The following PPP2R3C variants were observed in gnomAD, a reference collection of about 807,000 sequenced individuals.
The protein encoded by PPP2R3C is serine/threonine-protein phosphatase 2A regulatory subunit B'' subunit gamma.
PPP2R3C carries 47 observed loss-of-function variants against 63.7 expected under a neutral mutation model. The observed-to-expected ratio is 0.74, with a 90% CI of 0.58 to 0.94. The LOEUF (loss-of-function observed/expected upper bound fraction) is 0.94. Among genes scored for constraint, PPP2R3C ranks in the 40% least tolerant of loss-of-function variants. The pLI is 0.00. For synonymous variants in PPP2R3C, 180 were observed against 177.4 expected (o/e 1.01, Z -0.12); for missense variants, 421 against 518.4 (o/e 0.81, Z 1.82).
intron 1 of PPP2R3C, 41 bp downstream of exon 1, chr14:35,121,861 G>A (rs201469705): frequency 6.2e-7 from 1 of 1,609,766 alleles, no homozygotes; most frequent in East Asian, 2.2e-5. Flanking sequence ...TAGGAGTTTA[G>A]GGCCGGGCCA....
intron 10 of PPP2R3C, among the ~76,000 whole-genome samples, chr14:35,092,469 T>C (rs1329051015): frequency 6.6e-6 from 1 of 151,894 alleles, no homozygotes; most frequent in African/African-American, 2.4e-5. Context: ...AACAGAACAG[T>C]ATAATTTTTT....
chr14:35,090,342 A>G (rs144445725), intron 11 of PPP2R3C, among the ~76,000 whole-genome samples: 15,711 of 149,282 alleles, frequency 0.11, 1,045 homozygotes, highest in African/African-American at 0.19. Flanking sequence ...CCTGGGTTCA[A>G]GTGATTCTCC....
In PPP2R3C at chr14:35,091,063, G is replaced by A; in HGVS notation, c.1113+7C>T. On this transcript the variant is annotated splice_region_variant and intron_variant, in intron 11 of 12. Transcript: ENST00000261475. ...AACAATGACTCACTTATGCAAATGA[G>A]ACTTACCCTAAAGAAATAATTAAGT... 6.3e-7 allele frequency: 1 copy of A among 1,598,736 alleles called. No homozygotes were observed. The highest frequency in any genetic ancestry group is 1.1e-5 in the South Asian group (1 of 89,766).
chr14:35,096,797 A>C, intron 7 of PPP2R3C, 33 bp from the exon 8 acceptor site: 2 of 1,526,358 alleles, frequency 1.3e-6, no homozygotes, highest in Non-Finnish European at 1.8e-6. Flanking sequence ...AATTAATTTC[A>C]TTTTAAGAAA....
chr14:35,118,053 A>C (rs1392615858), intron 1 of PPP2R3C, among the ~76,000 whole-genome samples: 1 of 152,164 alleles, frequency 6.6e-6, no homozygotes, highest in Non-Finnish European at 1.5e-5. Flanking sequence ...ACTATGGCTC[A>C]GTGCTGTTGT....
At chr14:35,088,884 A>G (rs1419809387) in intron 11 of PPP2R3C, among the ~76,000 whole-genome samples, 2 of 152,226 alleles carry the variant, frequency 1.3e-5, no homozygotes, top group Admixed American at 6.5e-5. Context: ...TATATGAAAT[A>G]TTTTTAAAGT....
At chr14:35,099,500 T>C (rs1595094825) in intron 6 of PPP2R3C, 116 bp from the exon 7 acceptor site, 1 of 1,245,884 alleles carries the variant, frequency 8.0e-7, no homozygotes, top group Admixed American at 3.6e-5. Context: ...AATAAATGCA[T>C]GACTATTTTA....
At chr14:35,088,038 A>G (rs775828505) in intron 11 of PPP2R3C, 28 bp from the exon 12 acceptor site, 3 of 1,507,538 alleles carry the variant, frequency 2.0e-6, no homozygotes, top group Non-Finnish European at 2.8e-6. Flanking sequence ...AAATCTGTAA[A>G]TAAAAAATGA....
chr14:35,110,499 A>T, intron 3 of PPP2R3C, 26 bp downstream of exon 3: 1 of 1,484,910 alleles, frequency 6.7e-7, no homozygotes, highest in Non-Finnish European at 9.3e-7. Flanking sequence ...GTTAACATCT[A>T]AAGCAACTTT....
At chr14:35,110,796 G>A (rs73234490) in intron 2 of PPP2R3C, 167 bp from the exon 3 acceptor site, 350 of 555,168 alleles carry the variant, frequency 6.3e-4, no homozygotes, top group African/African-American at 6.0e-3. Flanking sequence ...ACAGAGAATC[G>A]GTGATCAGAA....
chr14:35,088,129 C>G, intron 11 of PPP2R3C, 119 bp from the exon 12 acceptor site: 1 of 749,646 alleles, frequency 1.3e-6, no homozygotes, highest in Non-Finnish European at 2.4e-6. Context: ...CCTCATCATT[C>G]TCTCTCTTGC....
rs1390392957 is a variant in PPP2R3C at position 35,107,963 on chromosome 14, A to G, written c.502+176T>C. The G allele has an allele frequency of 6.2e-6, 5 of 809,916 alleles. No individual in the cohort carries two copies. In the Admixed American group the frequency reaches 1.2e-4, roughly 19 times the overall value. 50.2% of individuals were successfully genotyped at this position (809,916 alleles called of 1,614,324 possible). ...CTTTAAGACACATGAGGGTTTAAAA[A>G]ATTTTTGTTTTTTTATGCTAACCCA... On this transcript the variant is annotated intron_variant, in intron 5 of 12. Transcript: ENST00000261475.
At chr14:35,095,788 T>C (rs1595087743) in intron 9 of PPP2R3C, among the ~76,000 whole-genome samples, 1 of 140,264 alleles carries the variant, frequency 7.1e-6, no homozygotes, top group Non-Finnish European at 1.5e-5. Context: ...GAGGTGGAGG[T>C]TGCAGTGAGC....
intron 1 of PPP2R3C, among the ~76,000 whole-genome samples, chr14:35,120,784 T>C (rs911756278): frequency 6.6e-6 from 1 of 151,924 alleles, no homozygotes; most frequent in African/African-American, 2.4e-5. Flanking sequence ...TCATCTCCAC[T>C]AAAAATAAAA....
chr14:35,098,971 C>A, intron 7 of PPP2R3C: 1 of 230,038 alleles, frequency 4.3e-6, no homozygotes. Flanking sequence ...GTATTTATGA[C>A]TGACTACCCA....
chr14:35,110,028 T>G (rs547855434), intron 3 of PPP2R3C, 97 bp from the exon 4 acceptor site: 2 of 818,956 alleles, frequency 2.4e-6, no homozygotes, highest in Non-Finnish European at 1.9e-6. Context: ...TGAGAGTTTG[T>G]TGGCAGAGTC....
At chr14:35,086,007 CTATGTGATAG>C in intron 12 of PPP2R3C, 1 of 468,734 alleles carries the variant, frequency 2.1e-6, no homozygotes, top group Non-Finnish European at 3.8e-6. Flanking sequence ...AACTCCTTAG[CTATGTGATAG>C]CTATCCTTCG....
rs764477629 is a variant in PPP2R3C, at chr14:35,096,741, A to G, written c.730T>C (p.Leu244=). The change falls in exon 8 of 13, where the codon TTA becomes CTA. Residue 244 remains leucine, a synonymous_variant. Coordinates refer to ENST00000261475, the MANE Select transcript of PPP2R3C (RefSeq NM_017917.4). ...AAATCATCTAGGAAGCTGCATGCTAAAATATCTTGAATTTTTATCTTTCCT... is the reference window on the plus strand; with the variant it reads ...AAATCATCTAGGAAGCTGCATGCTAGAATATCTTGAATTTTTATCTTTCCT... ...RTGKIKIQDI[L]ACSFLDDLLE... is the part of the protein sequence containing the mutation. The G allele has an allele frequency of 2.9e-5, 46 of 1,589,392 alleles. No homozygotes were observed. Among genetic ancestry groups the G allele is most frequent in the Non-Finnish European group, 3.9e-5 (45 of 1,167,080 alleles).
chr14:35,093,308 G>T (rs1333212304), intron 10 of PPP2R3C, among the ~76,000 whole-genome samples: 1 of 151,998 alleles, frequency 6.6e-6, no homozygotes, highest in Non-Finnish European at 1.5e-5. Flanking sequence ...TTCTCACTTA[G>T]ATAAAAATTT....
Sources: gnomAD v4.1 joint callset for allele counts (sites outside exome capture counted in the v4.1 genomes callset) on GRCh38, gnomAD v4.1.1 for gene constraint, MANE v1.5 for transcripts, NCBI Gene and HGNC (gene_info 2026-07-23, HGNC 2026-07-21) for gene names.